Variants in LAMA2 observed in about 807,000 individuals in gnomAD.
The protein encoded by LAMA2 is laminin subunit alpha-2.
In LAMA2, 269 loss-of-function variants were observed where a neutral mutation model predicts 364.8. The observed-to-expected ratio is 0.74, with a 90% confidence interval of 0.67 to 0.82. The LOEUF is 0.82. Ranked by LOEUF, LAMA2 falls within the 40% of genes least tolerant of loss-of-function variation. The pLI, the probability that LAMA2 is intolerant of heterozygous loss-of-function variation, is 0.00. For missense variants in LAMA2, 3,807 were observed against 3,873.2 expected, an observed-to-expected ratio of 0.98 and a Z score of 0.45; for synonymous variants, 1,379 against 1,370.6, an observed-to-expected ratio of 1.01 and a Z score of -0.14.
At chr6:129,435,241 C>A (rs1481069970) in intron 41 of LAMA2, among the ~76,000 whole-genome samples, 1 of 152,042 alleles carries the variant, frequency 6.6e-6, no homozygotes, top group African/African-American at 2.4e-5. Flanking sequence ...AAACTAAATC[C>A]AATCAAGAAG....
At chr6:129,165,448 C>G in intron 8 of LAMA2, 128 bp from the exon 9 acceptor site, 1 of 622,890 alleles carries the variant, frequency 1.6e-6, no homozygotes, top group Non-Finnish European at 2.9e-6. Flanking sequence ...AAAGGTAATT[C>G]TTATAGTTTT....
chr6:129,239,806 G>A lies in LAMA2; in HGVS notation c.1783-10306G>A, dbSNP rs895099518. ...GCTGGAATTATAGTTGTGTGCCACTGCATCTAGCTCCAGATTTTAGAAGTT... is the reference window on the plus strand; with the variant it reads ...GCTGGAATTATAGTTGTGTGCCACTACATCTAGCTCCAGATTTTAGAAGTT... On this transcript the variant is annotated intron_variant, in intron 12 of 64. Coordinates refer to ENST00000421865, the MANE Select transcript of LAMA2 (RefSeq NM_000426.4). Among the ~76,000 whole-genome samples the A allele has an allele frequency of 2.6e-5, 4 of 152,248 alleles. No homozygotes were observed. The South Asian group carries it at 8.3e-4, about 32-fold the overall frequency.
At position 128,966,531 on chromosome 6, in the gene LAMA2, T is replaced by C. The variant is rs539240339; in HGVS notation, c.112+83174T>C. Among the ~76,000 whole-genome samples, 29 of 151,900 alleles carry C rather than the reference T, an allele frequency of 1.9e-4. No individual in the cohort carries two copies. The East Asian group carries it at 5.6e-3, about 29-fold the overall frequency. ...GAAATAAAAGAAAAATAATTTAAAC[T>C]CAAGGGATTTTCTTGGGTAAGGCCT... is the stretch of plus-strand genomic sequence containing the variant. On this transcript the variant is annotated intron_variant, in intron 1 of 64. Coordinates refer to ENST00000421865, the MANE Select transcript of LAMA2 (RefSeq NM_000426.4).
At chr6:129,265,836 C>T (rs1416568562) in intron 15 of LAMA2, among the ~76,000 whole-genome samples, 1 of 152,026 alleles carries the variant, frequency 6.6e-6, no homozygotes, top group Non-Finnish European at 1.5e-5. Flanking sequence ...GCACGTTCTG[C>T]ACATGTATCC....
Position 129,430,880 on chromosome 6 carries a change from T to G in LAMA2, c.5968+3026T>G, listed in dbSNP as rs139927300. On this transcript the variant is annotated intron_variant, in intron 41 of 64. Coordinates refer to ENST00000421865, the MANE Select transcript of LAMA2 (RefSeq NM_000426.4). ...ATTAATTAATAATAAAAATTTAAAA[T>G]AATTTTTTTCAGTAAAATGCCAACT... 6.0e-3 allele frequency among the ~76,000 whole-genome samples: 920 copies of G among 152,100 alleles called. 8 individuals are homozygous for G. The highest frequency in any genetic ancestry group is 0.02 in the African/African-American group (822 of 41,534).
At chr6:129,448,926 A>G (rs1782525830) in intron 45 of LAMA2, among the ~76,000 whole-genome samples, 1 of 152,172 alleles carries the variant, frequency 6.6e-6, no homozygotes, top group African/African-American at 2.4e-5. Flanking sequence ...CAGTATTTTG[A>G]TTTACCTGAT....
intron 1 of LAMA2, among the ~76,000 whole-genome samples, chr6:128,941,262 T>G (rs1780137806): frequency 6.6e-6 from 1 of 152,204 alleles, no homozygotes; most frequent in Non-Finnish European, 1.5e-5. Flanking sequence ...CACTGACTGA[T>G]TGTCTATTGG....
At chr6:129,171,814 A>G (rs1413323324) in intron 9 of LAMA2, among the ~76,000 whole-genome samples, 1 of 108,992 alleles carries the variant, frequency 9.2e-6, no homozygotes, top group African/African-American at 3.7e-5. Context: ...AGGTACACCA[A>G]TCAGACGTAG....
At chr6:129,222,533 C>G (rs1047295065) in intron 12 of LAMA2, among the ~76,000 whole-genome samples, 1 of 135,838 alleles carries the variant, frequency 7.4e-6, no homozygotes, top group Non-Finnish European at 1.6e-5. Context: ...TGATGTTCCC[C>G]TTCCTGTGTC....
chr6:129,079,865 T>C (rs887189824), intron 3 of LAMA2, among the ~76,000 whole-genome samples: 11 of 152,150 alleles, frequency 7.2e-5, no homozygotes, highest in African/African-American at 2.4e-4. Context: ...ATATATCCTT[T>C]CTAAATTTGG....
intron 1 of LAMA2, among the ~76,000 whole-genome samples, chr6:128,919,044 A>C (rs1228266735): frequency 6.6e-6 from 1 of 152,180 alleles, no homozygotes; most frequent in Non-Finnish European, 1.5e-5. Context: ...AATTGACTTC[A>C]AACCTACTGA....
intron 1 of LAMA2, among the ~76,000 whole-genome samples, chr6:129,015,836 G>A (rs1408179416): frequency 1.3e-5 from 2 of 151,862 alleles, no homozygotes; most frequent in African/African-American, 4.8e-5. Flanking sequence ...GAACTCTTCT[G>A]GCTTTTAACT....
At chr6:129,225,398 C>T (rs1784183020) in intron 12 of LAMA2, among the ~76,000 whole-genome samples, 2 of 152,110 alleles carry the variant, frequency 1.3e-5, no homozygotes, top group African/African-American at 4.8e-5. Flanking sequence ...TTTGCTCTTG[C>T]TTCTCTAGTT....
intron 12 of LAMA2, among the ~76,000 whole-genome samples, chr6:129,238,895 C>CT (rs369504737): frequency 1.0e-3 from 155 of 147,776 alleles, no homozygotes; most frequent in African/African-American, 3.2e-3. Context: ...TGAGATCTAC[C>CT]TTTTTTTTTT....
chr6:129,078,275 C>T (rs1010141775), intron 3 of LAMA2, among the ~76,000 whole-genome samples: 2 of 151,960 alleles, frequency 1.3e-5, no homozygotes, highest in African/African-American at 2.4e-5. Flanking sequence ...CCTGGAACTA[C>T]AGGTGCGCGC....
chr6:129,272,921 G>A (rs1160101371), intron 17 of LAMA2, among the ~76,000 whole-genome samples: 2 of 152,084 alleles, frequency 1.3e-5, no homozygotes, highest in Non-Finnish European at 2.9e-5. Context: ...CTGCATCTGT[G>A]GAAAAATTGT....
chr6:128,902,527 T>A (rs1247478767), intron 1 of LAMA2, among the ~76,000 whole-genome samples: 2 of 152,180 alleles, frequency 1.3e-5, no homozygotes, highest in Non-Finnish European at 2.9e-5. Flanking sequence ...CACTATTCAT[T>A]ATGACATGTG....
rs138459703 is a variant in LAMA2, at chr6:129,438,891, C to T, written c.6085+129C>T. The T allele has an allele frequency of 9.2e-4, 631 of 682,746 alleles. 4 individuals are homozygous for T. In the African/African-American group the frequency reaches 1.0e-2, roughly 11 times the overall value. The allele number at this position is 682,746 out of a possible 1,614,324, so 42.3% of individuals were successfully genotyped here. A position where few individuals can be genotyped will look rare whatever the true frequency, so the allele number is the denominator to read the frequency against. The stretch of plus-strand genomic sequence containing the variant: ...TGGAAATTAGATACTGTTTTTCTTA[C>T]TCATGAATTCTTCTTTGTGAGAATG... On this transcript the variant is annotated intron_variant, in intron 42 of 64. Transcript: ENST00000421865.
intron 59 of LAMA2, 65 bp from the exon 60 acceptor site, chr6:129,503,026 C>A: frequency 7.0e-7 from 1 of 1,419,826 alleles, no homozygotes; most frequent in Non-Finnish European, 1.0e-6. Context: ...GATCTGATAC[C>A]GCTCTATTTT....
Sources: gnomAD v4.1 joint callset for allele counts (sites outside exome capture counted in the v4.1 genomes callset) on GRCh38, gnomAD v4.1.1 for gene constraint, MANE v1.5 for transcripts, NCBI Gene and HGNC (gene_info 2026-07-23, HGNC 2026-07-21) for gene names.